The following IL1RAPL2 variants were observed in gnomAD, a reference collection of about 807,000 sequenced individuals.
IL1RAPL2 encodes the protein X-linked interleukin-1 receptor accessory protein-like 2.
A neutral mutation model predicts 44.1 loss-of-function variants in IL1RAPL2; 3 were observed. The ratio of observed to expected loss-of-function variants is 0.07; its 90% CI spans 0.03 to 0.18. IL1RAPL2 has a LOEUF of 0.18. Ranked by LOEUF, IL1RAPL2 falls within the 10% of genes least tolerant of loss-of-function variation. IL1RAPL2 has a pLI of 1.00. For synonymous variants in IL1RAPL2, 181 were observed against 178.8 expected, an observed-to-expected ratio of 1.01 and a Z score of -0.10; for missense variants, 391 against 496.4, an observed-to-expected ratio of 0.79 and a Z score of 2.02.
chrX:105,089,046 T>A (rs1261862030), intron 2 of IL1RAPL2, among the ~76,000 whole-genome samples: 1 of 111,478 alleles, frequency 9.0e-6, no homozygotes, highest in Non-Finnish European at 1.9e-5. Flanking sequence ...TTCATTGGTA[T>A]AGAATTACAT....
chrX:104,819,976 G>A (rs1384904344), intron 2 of IL1RAPL2, among the ~76,000 whole-genome samples: 1 of 111,004 alleles, frequency 9.0e-6, no homozygotes, highest in Non-Finnish European at 1.9e-5. Flanking sequence ...CCATAAACGT[G>A]TGTTTTTAAA....
chrX:105,441,375 C>A (rs12388098), intron 5 of IL1RAPL2, among the ~76,000 whole-genome samples: 1 of 111,497 alleles, frequency 9.0e-6, no homozygotes, highest in African/African-American at 3.3e-5. Flanking sequence ...ACACAGTCTC[C>A]TTTGGTGTAA....
intron 2 of IL1RAPL2, among the ~76,000 whole-genome samples, chrX:104,758,247 G>A (rs1932373078): frequency 9.0e-6 from 1 of 111,397 alleles, no homozygotes; most frequent in Admixed American, 9.5e-5. Flanking sequence ...CAGGGAACAG[G>A]GTATCTGCTA....
intron 3 of IL1RAPL2, among the ~76,000 whole-genome samples, chrX:105,204,625 A>G (rs1450591398): frequency 8.9e-6 from 1 of 111,758 alleles, no homozygotes; most frequent in Non-Finnish European, 1.9e-5. Flanking sequence ...ACTAGCTAGG[A>G]CTCTTCTATA....
intron 5 of IL1RAPL2, among the ~76,000 whole-genome samples, chrX:105,337,744 A>T (rs180730004): frequency 9.0e-6 from 1 of 111,402 alleles, no homozygotes; most frequent in Non-Finnish European, 1.9e-5. Context: ...ACAAAAAATT[A>T]GCCAGGTGTG....
intron 2 of IL1RAPL2, among the ~76,000 whole-genome samples, chrX:104,758,153 G>T (rs1932371888): frequency 8.9e-6 from 1 of 111,821 alleles, no homozygotes; most frequent in African/African-American, 3.2e-5. Flanking sequence ...TGGGAAAAGA[G>T]AATTAATTGA....
At chrX:104,942,822 G>T (rs1021691369) in intron 2 of IL1RAPL2, among the ~76,000 whole-genome samples, 4 of 111,462 alleles carry the variant, frequency 3.6e-5, no homozygotes, top group African/African-American at 1.3e-4. Flanking sequence ...TATGATATTG[G>T]CTGTGGGTTT....
intron 2 of IL1RAPL2, among the ~76,000 whole-genome samples, chrX:105,142,671 G>C (rs1413231344): frequency 9.3e-6 from 1 of 107,357 alleles, no homozygotes; most frequent in Non-Finnish European, 1.9e-5. Flanking sequence ...GTACATGCAC[G>C]TAACATGCAG....
At chrX:104,948,017 A>G (rs1272890024) in intron 2 of IL1RAPL2, among the ~76,000 whole-genome samples, 1 of 110,955 alleles carries the variant, frequency 9.0e-6, no homozygotes, top group Non-Finnish European at 1.9e-5. Context: ...CAGTATGGCA[A>G]TTTTCACAAT....
At chrX:105,758,943 T>A (rs1053286267) in intron 10 of IL1RAPL2, among the ~76,000 whole-genome samples, 4 of 111,813 alleles carry the variant, frequency 3.6e-5, no homozygotes, top group African/African-American at 1.3e-4. Context: ...TTTTGTGGTA[T>A]AAACTACTCT....
intron 5 of IL1RAPL2, among the ~76,000 whole-genome samples, chrX:105,285,560 C>T (rs988166403): frequency 1.1e-4 from 12 of 111,498 alleles, no homozygotes; most frequent in Non-Finnish European, 2.3e-4. Context: ...TCTGATTCCC[C>T]TCATTCTGTA....
intron 7 of IL1RAPL2, among the ~76,000 whole-genome samples, chrX:105,728,587 A>AT (rs893375613): frequency 6.7e-4 from 74 of 110,004 alleles, no homozygotes; most frequent in African/African-American, 1.6e-3. Flanking sequence ...AAGAGGATAC[A>AT]TTTTTTTTTG....
intron 6 of IL1RAPL2, among the ~76,000 whole-genome samples, chrX:105,590,943 G>T (rs2037167006): frequency 9.2e-6 from 1 of 108,499 alleles, no homozygotes; most frequent in Non-Finnish European, 1.9e-5. Flanking sequence ...GAGTTAGGAG[G>T]AGTCCCTGAT....
chrX:105,076,564 T>C (rs932324742), intron 2 of IL1RAPL2, among the ~76,000 whole-genome samples: 1 of 111,331 alleles, frequency 9.0e-6, no homozygotes, highest in Non-Finnish European at 1.9e-5. Flanking sequence ...TAGGTCCGCT[T>C]GGTGCAGAGC....
At chrX:105,550,274 T>C (rs767668661) in intron 6 of IL1RAPL2, among the ~76,000 whole-genome samples, 1 of 112,266 alleles carries the variant, frequency 8.9e-6, no homozygotes, top group Admixed American at 9.4e-5. Context: ...TCTTATGTTC[T>C]GTATTGTCAC....
intron 5 of IL1RAPL2, chrX:105,406,651 C>G: frequency 1.7e-6 from 2 of 1,149,673 alleles, no homozygotes; most frequent in Non-Finnish European, 2.4e-6. Flanking sequence ...CTTTGCTGTG[C>G]AAATCTTGAA....
chrX:104,925,049 C>A (rs1379719349), intron 2 of IL1RAPL2, among the ~76,000 whole-genome samples: 1 of 109,486 alleles, frequency 9.1e-6, no homozygotes, highest in Non-Finnish European at 1.9e-5. Flanking sequence ...TACAAGGAAT[C>A]ATCAGATATC....
chrX:105,290,259 T>A (rs1430816354), intron 5 of IL1RAPL2, among the ~76,000 whole-genome samples: 1 of 111,550 alleles, frequency 9.0e-6, no homozygotes, highest in Non-Finnish European at 1.9e-5. Flanking sequence ...TCTCTGCCTT[T>A]AGGGGATCCA....
chrX:104,880,372 A>G (rs1408693120), intron 2 of IL1RAPL2, among the ~76,000 whole-genome samples: 1 of 111,879 alleles, frequency 8.9e-6, no homozygotes, highest in Non-Finnish European at 1.9e-5. Flanking sequence ...AAAAGCGTAC[A>G]GTAGTCCCAT....
Sources: allele counts gnomAD v4.1 joint callset (sites outside exome capture counted in the v4.1 genomes callset), GRCh38; gene constraint gnomAD v4.1.1; transcripts MANE v1.5; gene names NCBI Gene and HGNC (gene_info 2026-07-23, HGNC 2026-07-21).